SHISA9: variants seen among roughly 807,000 people sequenced by gnomAD.
SHISA9 encodes the protein protein shisa-9.
A neutral mutation model predicts 38.0 loss-of-function variants in SHISA9; 13 were observed. That is an observed-to-expected ratio of 0.34 (90% CI 0.22 to 0.54). The LOEUF is 0.54. Among genes scored for constraint, SHISA9 ranks in the 20% least tolerant of loss-of-function variants. The probability of loss-of-function intolerance (pLI) is 0.91; values close to 1 mark genes in which losing one functional copy is unlikely to be tolerated. For synonymous variants in SHISA9, 275 were observed against 242.0 expected (o/e 1.14, Z -1.27); for missense variants, 538 against 575.8 (o/e 0.93, Z 0.67).
the SHISA9 span, among the ~76,000 whole-genome samples, chr16:13,443,637 T>A: frequency 6.6e-6 from 1 of 152,232 alleles, no homozygotes; most frequent in African/African-American, 2.4e-5. Context: ...CAAGCCCCTA[T>A]GTTTTTATTT....
chr16:13,265,821 A>G, the SHISA9 span, among the ~76,000 whole-genome samples: 4 of 19,000 alleles, frequency 2.1e-4, no homozygotes, highest in African/African-American at 9.0e-4. Context: ...AGATAACTGG[A>G]AAAAAAAAAC....
At chr16:13,261,679 A>T in the SHISA9 span, among the ~76,000 whole-genome samples, 1 of 152,220 alleles carries the variant, frequency 6.6e-6, no homozygotes, top group Non-Finnish European at 1.5e-5. Context: ...TCAGGTAGGA[A>T]GAAGCTGGTA....
the SHISA9 span, among the ~76,000 whole-genome samples, chr16:13,249,131 G>A: frequency 8.5e-5 from 13 of 152,146 alleles, no homozygotes; most frequent in Non-Finnish European, 4.4e-5. Flanking sequence ...AGGATGTGAG[G>A]ACATCTAGGT....
At chr16:12,922,599 G>A (rs982892828) in intron 2 of SHISA9, among the ~76,000 whole-genome samples, 36 of 152,216 alleles carry the variant, frequency 2.4e-4, no homozygotes, top group African/African-American at 8.2e-4. Context: ...GGCTCATTGC[G>A]ACCCCTGCCT....
chr16:13,148,141 T>C (rs981974517), intron 2 of SHISA9, among the ~76,000 whole-genome samples: 5 of 152,144 alleles, frequency 3.3e-5, no homozygotes, highest in Non-Finnish European at 7.4e-5. Context: ...TGCCAGCACA[T>C]ACCTACATGA....
intron 2 of SHISA9, among the ~76,000 whole-genome samples, chr16:13,146,358 AT>A (rs887813997): frequency 8.6e-5 from 13 of 151,324 alleles, no homozygotes; most frequent in South Asian, 6.3e-4. Flanking sequence ...CATAGCTTTT[AT>A]TTTTTTTTAA....
intron 2 of SHISA9, among the ~76,000 whole-genome samples, chr16:13,033,114 T>C (rs7197189): frequency 0.042 from 6,459 of 152,232 alleles, 307 homozygotes; most frequent in East Asian, 0.17. Flanking sequence ...GGGTGCTTTT[T>C]TCTTCTAGTC....
intron 2 of SHISA9, among the ~76,000 whole-genome samples, chr16:13,109,471 A>T (rs1406515708): frequency 6.6e-6 from 1 of 152,200 alleles, no homozygotes; most frequent in Non-Finnish European, 1.5e-5. Context: ...CTTAATACAC[A>T]CATCACTCAG....
At chr16:13,501,672 G>A in the SHISA9 span, among the ~76,000 whole-genome samples, 1 of 152,152 alleles carries the variant, frequency 6.6e-6, no homozygotes, top group Admixed American at 6.5e-5. Flanking sequence ...CTTGTGCCTA[G>A]AATGGTGCCC....
chr16:13,440,724 C>T, the SHISA9 span, among the ~76,000 whole-genome samples: 1 of 152,074 alleles, frequency 6.6e-6, no homozygotes, highest in African/African-American at 2.4e-5. Context: ...GAAATCGAGA[C>T]CATCCTGCCC....
chr16:13,521,970 A>G, the SHISA9 span, among the ~76,000 whole-genome samples: 1 of 152,194 alleles, frequency 6.6e-6, no homozygotes, highest in African/African-American at 2.4e-5. Flanking sequence ...TTATTTTTGC[A>G]TGAAGCCCAC....
chr16:12,950,228 C>G (rs998174389), intron 2 of SHISA9, among the ~76,000 whole-genome samples: 6 of 152,184 alleles, frequency 3.9e-5, no homozygotes, highest in African/African-American at 1.4e-4. Flanking sequence ...GAGTAATATT[C>G]CTCTGTGTAT....
the SHISA9 span, among the ~76,000 whole-genome samples, chr16:13,285,041 C>T: frequency 3.9e-5 from 6 of 152,042 alleles, no homozygotes; most frequent in Non-Finnish European, 7.4e-5. Context: ...TGTCCCAGGC[C>T]GGTTTTTGGT....
At chr16:13,254,350 G>C in the SHISA9 span, among the ~76,000 whole-genome samples, 3 of 152,186 alleles carry the variant, frequency 2.0e-5, no homozygotes, top group Non-Finnish European at 4.4e-5. Flanking sequence ...ATTTAGGGGA[G>C]AGAGAAGATA....
chr16:13,518,282 C>T, the SHISA9 span, among the ~76,000 whole-genome samples: 1 of 146,366 alleles, frequency 6.8e-6, no homozygotes, highest in African/African-American at 2.5e-5. Context: ...AATTCTGGCT[C>T]CTTCCATTCC....
intron 2 of SHISA9, among the ~76,000 whole-genome samples, chr16:13,156,046 C>A (rs926086526): frequency 1.3e-5 from 2 of 152,182 alleles, no homozygotes; most frequent in Non-Finnish European, 2.9e-5. Context: ...TGGGTGTCTG[C>A]TGTTTCTTAA....
At chr16:12,902,894 C>T (rs1438691064) in intron 1 of SHISA9, 1 of 396,744 alleles carries the variant, frequency 2.5e-6, no homozygotes, top group Non-Finnish European at 4.4e-6. Context: ...CCTCTGGCCG[C>T]CTCCTCCCGC....
chr16:13,412,592 C>T, the SHISA9 span, among the ~76,000 whole-genome samples: 5 of 152,220 alleles, frequency 3.3e-5, no homozygotes, highest in African/African-American at 1.2e-4. Context: ...CATGATGGCT[C>T]ACACCTATAA....
At chr16:13,390,363 T>C in the SHISA9 span, among the ~76,000 whole-genome samples, 1 of 152,178 alleles carries the variant, frequency 6.6e-6, no homozygotes, top group Non-Finnish European at 1.5e-5. Context: ...GAAGTGTGTT[T>C]GTTGGGCCTG....
Sources: gnomAD v4.1 joint callset for allele counts (sites outside exome capture counted in the v4.1 genomes callset) on GRCh38, gnomAD v4.1.1 for gene constraint, MANE v1.5 for transcripts, NCBI Gene and HGNC (gene_info 2026-07-23, HGNC 2026-07-21) for gene names.